The following ITSN1 variants were observed in gnomAD, a reference collection of about 807,000 sequenced individuals.
The protein encoded by ITSN1 is intersectin-1.
In ITSN1, 58 loss-of-function variants were observed where a neutral mutation model predicts 239.8. The observed-to-expected ratio is 0.24, with a 90% CI of 0.20 to 0.30. ITSN1 has a LOEUF of 0.30. Among genes scored for constraint, ITSN1 ranks in the 10% least tolerant of loss-of-function variants. ITSN1 has a pLI of 1.00. For missense variants in ITSN1, 1,558 were observed against 2,103.3 expected (o/e 0.74, Z 5.07); for synonymous variants, 780 against 770.8 (o/e 1.01, Z -0.20).
At chr21:33,651,205 G>C (rs553164149) in intron 1 of ITSN1, among the ~76,000 whole-genome samples, 32 of 152,376 alleles carry the variant, frequency 2.1e-4, no homozygotes, top group African/African-American at 7.7e-4. Context: ...AGACAGGTGG[G>C]GAGTGAAGGA....
chr21:33,830,534 G>A (rs2074234666), intron 27 of ITSN1, among the ~76,000 whole-genome samples: 1 of 152,090 alleles, frequency 6.6e-6, no homozygotes, highest in African/African-American at 2.4e-5. Context: ...GAGGGAGGAG[G>A]GAGGGAGTGA....
At chr21:33,847,730 G>A in intron 29 of ITSN1, among the ~76,000 whole-genome samples, 1 of 152,168 alleles carries the variant, frequency 6.6e-6, no homozygotes, top group African/African-American at 2.4e-5. Context: ...TGGCTTGAGT[G>A]ACCTGCCATG....
rs75269726 is a variant in ITSN1 at position 33,884,892 on chromosome 21, C to A, written c.4677-149C>A. 1.9e-3 allele frequency: 1,194 copies of A among 629,852 alleles called. 8 individuals carry two copies. In the African/African-American group the frequency reaches 0.019, roughly 10 times the overall value. The allele number at this position is 629,852 out of a possible 1,614,324, so 39.0% of individuals were successfully genotyped here. A position where few individuals can be genotyped will look rare whatever the true frequency, so the allele number is the denominator to read the frequency against. ...ATGGCAGGAATAAGTATTAGCGTCA[C>A]GTGACATAAAATCAGATTTTCTTTC... is the stretch of plus-strand genomic sequence containing the variant. On this transcript the variant is annotated intron_variant, in intron 36 of 39. Coordinates refer to ENST00000381318, the MANE Select transcript of ITSN1 (RefSeq NM_003024.3).
chr21:33,716,181 T>C (rs1215732341), intron 1 of ITSN1, among the ~76,000 whole-genome samples: 1 of 152,008 alleles, frequency 6.6e-6, no homozygotes, highest in Non-Finnish European at 1.5e-5. Context: ...AAGGCTGAAG[T>C]CAGTTTTACA....
intron 11 of ITSN1, among the ~76,000 whole-genome samples, chr21:33,769,529 G>A (rs1394799158): frequency 2.6e-5 from 4 of 152,164 alleles, no homozygotes; most frequent in Admixed American, 2.0e-4. Flanking sequence ...CCGTTCTGGA[G>A]GCTGGAAGTC....
At chr21:33,817,155 C>T in intron 22 of ITSN1, 1 of 1,205,852 alleles carries the variant, frequency 8.3e-7, no homozygotes, top group Non-Finnish European at 1.1e-6. Flanking sequence ...TCATTTTTTA[C>T]TAAATGCTTT....
At chr21:33,777,020 G>T (rs1264774277) in intron 14 of ITSN1, among the ~76,000 whole-genome samples, 1 of 151,772 alleles carries the variant, frequency 6.6e-6, no homozygotes, top group East Asian at 1.9e-4. Context: ...TTTTCTTCTA[G>T]AAGTTTTTGG....
At chr21:33,796,167 TTGGTCTAGAACTCCTGGC>T (rs961525270) in intron 17 of ITSN1, among the ~76,000 whole-genome samples, 2 of 152,198 alleles carry the variant, frequency 1.3e-5, no homozygotes, top group Admixed American at 6.5e-5. Context: ...TTTCACCATG[TTGGTCTAGAACTCCTGGC>T]TGGTCTAGAA....
intron 22 of ITSN1, among the ~76,000 whole-genome samples, chr21:33,815,809 T>C (rs1175984694): frequency 2.0e-5 from 3 of 151,980 alleles, no homozygotes; most frequent in Non-Finnish European, 2.9e-5. Context: ...CTGCATGATA[T>C]TGTTCTCAGT....
chr21:33,718,673 A>C (rs1189456139), intron 1 of ITSN1, 124 bp from the exon 2 acceptor site: 1 of 684,918 alleles, frequency 1.5e-6, no homozygotes, highest in Non-Finnish European at 2.6e-6. Flanking sequence ...GAATTCCTTA[A>C]TTGTAGAGCT....
Position 33,746,987 on chromosome 21 carries a change from C to G in ITSN1, c.347-3156C>G, listed in dbSNP as rs565557185. ...TGGCCAACATGACGAAACCCCGTCT[C>G]TACTAAAAATGCAGAAATTAGCTGG... On this transcript the variant is annotated intron_variant, in intron 5 of 39. Coordinates refer to ENST00000381318, the MANE Select transcript of ITSN1 (RefSeq NM_003024.3). 2.0e-5 allele frequency among the ~76,000 whole-genome samples: 3 copies of G among 152,310 alleles called. No homozygotes were observed. In the South Asian group the frequency reaches 6.2e-4, roughly 32 times the overall value.
intron 14 of ITSN1, among the ~76,000 whole-genome samples, chr21:33,779,111 AT>A (rs1214322125): frequency 0.012 from 1,365 of 117,282 alleles, 12 homozygotes; most frequent in African/African-American, 0.034. Flanking sequence ...GGCTCTATTG[AT>A]TTTTTTTTTT....
intron 21 of ITSN1, among the ~76,000 whole-genome samples, chr21:33,812,756 C>T (rs1185721910): frequency 6.6e-6 from 1 of 152,152 alleles, no homozygotes; most frequent in Non-Finnish European, 1.5e-5. Flanking sequence ...GCCTTGGCCT[C>T]CCAAAGCGCT....
chr21:33,828,838 A>G (rs569696970), intron 26 of ITSN1: 7 of 415,362 alleles, frequency 1.7e-5, no homozygotes, highest in Admixed American at 1.5e-4. Flanking sequence ...GGTGTGTTTC[A>G]GAGCCTGGTC....
intron 1 of ITSN1, among the ~76,000 whole-genome samples, chr21:33,660,580 A>T (rs1181571779): frequency 6.6e-6 from 1 of 152,208 alleles, no homozygotes; most frequent in Non-Finnish European, 1.5e-5. Context: ...TGAATTCCAT[A>T]ACTGCTCCTG....
intron 4 of ITSN1, among the ~76,000 whole-genome samples, chr21:33,727,969 T>TC (rs1168224316): frequency 2.1e-5 from 3 of 146,258 alleles, no homozygotes; most frequent in African/African-American, 7.4e-5. Flanking sequence ...CAGCTGGAAT[T>TC]TTTTTTTTTT....
chr21:33,767,661 C>T (rs571728817), intron 10 of ITSN1, 52 bp from the exon 11 acceptor site: 1 of 1,005,144 alleles, frequency 9.9e-7, no homozygotes, highest in Non-Finnish European at 1.5e-6. Flanking sequence ...TTGTCCAACT[C>T]CACCCAGACA....
intron 11 of ITSN1, among the ~76,000 whole-genome samples, chr21:33,769,351 C>T (rs1352430914): frequency 2.0e-5 from 3 of 152,138 alleles, no homozygotes; most frequent in East Asian, 3.8e-4. Flanking sequence ...GGAATATTGC[C>T]AGATGCTGGA....
At chr21:33,704,108 T>C (rs1407778035) in intron 1 of ITSN1, among the ~76,000 whole-genome samples, 2 of 152,216 alleles carry the variant, frequency 1.3e-5, no homozygotes, top group Non-Finnish European at 2.9e-5. Flanking sequence ...TTTCGTTCAC[T>C]TTTTTCTTTT....
Sources: gnomAD v4.1 joint callset for allele counts (sites outside exome capture counted in the v4.1 genomes callset) on GRCh38, gnomAD v4.1.1 for gene constraint, MANE v1.5 for transcripts, NCBI Gene and HGNC (gene_info 2026-07-23, HGNC 2026-07-21) for gene names.